SUGCT: variants seen among roughly 807,000 people sequenced by gnomAD.
SUGCT encodes the protein succinyl-CoA:glutarate CoA-transferase.
In SUGCT, 41 loss-of-function variants were observed where a neutral mutation model predicts 55.0. The ratio of observed to expected loss-of-function variants is 0.74; its 90% CI spans 0.58 to 0.97. SUGCT has a LOEUF of 0.97. SUGCT is among the 50% of genes least tolerant of loss of function. The probability of loss-of-function intolerance (pLI) is 0.00; values close to 1 mark genes in which losing one functional copy is unlikely to be tolerated. For missense variants in SUGCT, 568 were observed against 547.8 expected, an observed-to-expected ratio of 1.04 and a Z score of -0.37; for synonymous variants, 187 against 200.4, an observed-to-expected ratio of 0.93 and a Z score of 0.56.
chr7:40,829,715 C>T (rs1792553350), intron 13 of SUGCT, among the ~76,000 whole-genome samples: 1 of 152,062 alleles, frequency 6.6e-6, no homozygotes, highest in African/African-American at 2.4e-5. Flanking sequence ...GGTGGGTTCT[C>T]CTCCCTTTCC....
intron 12 of SUGCT, among the ~76,000 whole-genome samples, chr7:40,633,424 G>A (rs1344071610): frequency 1.3e-5 from 2 of 152,172 alleles, no homozygotes; most frequent in African/African-American, 2.4e-5. Context: ...GAAATGGGCT[G>A]ACTTGACTCA....
the SUGCT span, among the ~76,000 whole-genome samples, chr7:40,982,225 A>C: frequency 2.0e-5 from 3 of 152,216 alleles, no homozygotes; most frequent in Admixed American, 2.0e-4. Flanking sequence ...ACATCACCAA[A>C]AAACAAGTCC....
the SUGCT span, among the ~76,000 whole-genome samples, chr7:40,917,964 T>G: frequency 5.3e-5 from 8 of 152,236 alleles, no homozygotes; most frequent in Non-Finnish European, 1.0e-4. Context: ...ATACAATCAT[T>G]CAGTTCATAA....
chr7:40,205,785 T>C (rs1164030289), intron 6 of SUGCT, among the ~76,000 whole-genome samples: 1 of 152,116 alleles, frequency 6.6e-6, no homozygotes, highest in Non-Finnish European at 1.5e-5. Flanking sequence ...TTCCCAGATA[T>C]TTTTATTTTT....
At chr7:40,891,517 G>A in the SUGCT span, among the ~76,000 whole-genome samples, 1 of 151,912 alleles carries the variant, frequency 6.6e-6, no homozygotes. Context: ...ATAAAGTACT[G>A]AAAGAAAAAA....
At chr7:40,376,893 T>A (rs1784574385) in intron 9 of SUGCT, among the ~76,000 whole-genome samples, 1 of 151,960 alleles carries the variant, frequency 6.6e-6, no homozygotes, top group South Asian at 2.1e-4. Flanking sequence ...ATTATTTTAT[T>A]TGCATTTCTG....
chr7:41,030,544 G>A, the SUGCT span, among the ~76,000 whole-genome samples: 62,020 of 151,912 alleles, frequency 0.41, 13,279 homozygotes, highest in South Asian at 0.62. Flanking sequence ...TCCTCCTCTC[G>A]TCCCTCCCTT....
intron 7 of SUGCT, among the ~76,000 whole-genome samples, chr7:40,266,185 CTTT>C (rs10685507): frequency 1.7e-5 from 2 of 116,822 alleles, no homozygotes; most frequent in African/African-American, 3.3e-5. Context: ...CTTTCCTTTC[CTTT>C]TTTTTTTTTT....
chr7:40,892,952 G>T, the SUGCT span, among the ~76,000 whole-genome samples: 1 of 152,162 alleles, frequency 6.6e-6, no homozygotes. Flanking sequence ...AGGCACACAG[G>T]TGGAAAGAGA....
chr7:40,427,332 T>G (rs1221785112), intron 9 of SUGCT, among the ~76,000 whole-genome samples: 4 of 152,156 alleles, frequency 2.6e-5, no homozygotes, highest in Non-Finnish European at 5.9e-5. Flanking sequence ...ATACAAGACA[T>G]AACTAAAGTT....
At chr7:40,195,718 T>TTC (rs1420061201) in intron 6 of SUGCT, among the ~76,000 whole-genome samples, 1 of 135,460 alleles carries the variant, frequency 7.4e-6, no homozygotes, top group Non-Finnish European at 1.6e-5. Flanking sequence ...CTTTTTTTTT[T>TTC]TTTTTTTTTT....
the SUGCT span, among the ~76,000 whole-genome samples, chr7:41,015,424 G>A: frequency 4.6e-4 from 70 of 152,060 alleles, no homozygotes; most frequent in Non-Finnish European, 7.5e-4. Flanking sequence ...ATTACCTGCC[G>A]TCATATTTTT....
chr7:40,660,561 G>A (rs1232434781), intron 12 of SUGCT, among the ~76,000 whole-genome samples: 1 of 152,078 alleles, frequency 6.6e-6, no homozygotes, highest in Non-Finnish European at 1.5e-5. Context: ...CCAGCCAGGA[G>A]GTTTTTATAG....
chr7:40,559,056 T>G (rs561421125), intron 12 of SUGCT, among the ~76,000 whole-genome samples: 1 of 152,254 alleles, frequency 6.6e-6, no homozygotes, highest in Non-Finnish European at 1.5e-5. Flanking sequence ...TACTCAGAAT[T>G]TGCAATAATC....
At chr7:40,844,122 A>G (rs1041266094) in intron 13 of SUGCT, among the ~76,000 whole-genome samples, 2 of 152,132 alleles carry the variant, frequency 1.3e-5, no homozygotes, top group African/African-American at 4.8e-5. Context: ...GCATGTTACA[A>G]TGCTTTTTTA....
chr7:40,834,320 T>G (rs1321731390), intron 13 of SUGCT, among the ~76,000 whole-genome samples: 1 of 152,108 alleles, frequency 6.6e-6, no homozygotes, highest in African/African-American at 2.4e-5. Context: ...ATTAACACTT[T>G]TAATAGTTAC....
intron 12 of SUGCT, among the ~76,000 whole-genome samples, chr7:40,691,840 A>T (rs934434607): frequency 6.6e-6 from 1 of 152,178 alleles, no homozygotes; most frequent in Admixed American, 6.5e-5. Context: ...TTGGGGAAGG[A>T]GGAATATAAA....
At chr7:40,180,246 G>T (rs1785121034) in intron 1 of SUGCT, among the ~76,000 whole-genome samples, 4 of 151,278 alleles carry the variant, frequency 2.6e-5, no homozygotes, top group Admixed American at 2.6e-4. Context: ...GCCTCAGCGA[G>T]TAGCTAGAAT....
At chr7:40,927,432 T>C in the SUGCT span, among the ~76,000 whole-genome samples, 1 of 152,212 alleles carries the variant, frequency 6.6e-6, no homozygotes, top group Non-Finnish European at 1.5e-5. Flanking sequence ...CTGAGGTCTT[T>C]CCTGTGGAGG....
Sources: gnomAD v4.1 joint callset for allele counts (sites outside exome capture counted in the v4.1 genomes callset) on GRCh38, gnomAD v4.1.1 for gene constraint, MANE v1.5 for transcripts, NCBI Gene and HGNC (gene_info 2026-07-23, HGNC 2026-07-21) for gene names.